The following SNX31 variants were observed in gnomAD, a reference collection of about 807,000 sequenced individuals.
SNX31 encodes the protein sorting nexin 31.
Under a neutral mutation model 65.4 loss-of-function variants are expected in SNX31, and 58 were observed. The observed-to-expected ratio is 0.89, with a 90% CI of 0.72 to 1.10. The LOEUF (loss-of-function observed/expected upper bound fraction) is 1.10, where lower values mean the gene tolerates loss of function less well. SNX31 is among the 50% of genes least tolerant of loss of function. The pLI, the probability that SNX31 is intolerant of heterozygous loss-of-function variation, is 0.00. For missense variants in SNX31, 523 were observed against 529.7 expected (o/e 0.99, Z 0.12); for synonymous variants, 181 against 190.1 (o/e 0.95, Z 0.39).
chr8:100,594,149 A>C lies in SNX31; in HGVS notation c.978+2490T>G, dbSNP rs1251566126. ...GAAACCTCATCTCTACTAAAAATAC[A>C]AAAAATTAGCCCTGCCTGGTGGTGC... On this transcript the variant is annotated intron_variant, in intron 10 of 13. Transcript: ENST00000311812. The surrounding 1 kb of genome is among the most constrained non-coding windows in gnomAD (Gnocchi z 4.0). 6.6e-6 allele frequency among the ~76,000 whole-genome samples: 1 copy of C among 152,012 alleles called. No individual in the cohort carries two copies. The highest frequency in any genetic ancestry group is 1.5e-5 in the Non-Finnish European group (1 of 67,978).
chr8:100,612,297 T>C lies in SNX31; in HGVS notation c.524-210A>G, dbSNP rs1816781272. 6.6e-6 allele frequency among the ~76,000 whole-genome samples: 1 copy of C among 151,252 alleles called. No individual in the cohort carries two copies. Among genetic ancestry groups the C allele is most frequent in the Non-Finnish European group, 1.5e-5 (1 of 67,872 alleles). Reference sequence around the variant, plus strand: ...CCTCAAAAAAAAACAGCCCCTTGAGTGGGGGGTGTTTTACACTGTGATATA... The same window carrying C: ...CCTCAAAAAAAAACAGCCCCTTGAGCGGGGGGTGTTTTACACTGTGATATA... On this transcript the variant is annotated intron_variant, in intron 6 of 13. Transcript: ENST00000311812. The surrounding 1 kb of genome is among the most constrained non-coding windows in gnomAD (Gnocchi z 4.3).
In SNX31 at chr8:100,613,243, G is replaced by A. The variant is rs372153946; in HGVS notation, c.433-158C>T. On this transcript the variant is annotated intron_variant, in intron 5 of 13. Transcript: ENST00000311812. This position sits in a 1 kb window ranked among gnomAD's most constrained non-coding sequence, Gnocchi z 5.2. ...GAAAGCTTTTTGGAATCAAAAAATG[G>A]TATCCATCTTAGAAAATTTTAAAAC... Among the ~76,000 whole-genome samples the A allele has an allele frequency of 1.3e-5, 2 of 152,228 alleles. No homozygotes were observed. Among genetic ancestry groups the A allele is most frequent in the East Asian group, 3.9e-4 (2 of 5,182 alleles).
rs1375806012 is a variant in SNX31 at position 100,610,915 on chromosome 8, C to G, written c.611+1085G>C. 6.6e-6 allele frequency among the ~76,000 whole-genome samples: 1 copy of G among 152,158 alleles called. No homozygotes were observed. Among genetic ancestry groups the G allele is most frequent in the African/African-American group, 2.4e-5 (1 of 41,424 alleles). On this transcript the variant is annotated intron_variant, in intron 7 of 13. Transcript: ENST00000311812. The surrounding 1 kb of genome is among the most constrained non-coding windows in gnomAD (Gnocchi z 4.0). ...GTACTCAGATAACAGAATAAATGGG[C>G]TGGGAGAGAGCGAGCCTAAGGAGCA...
chr8:100,607,037 C>T (rs1816229057), intron 8 of SNX31, among the ~76,000 whole-genome samples: 1 of 152,144 alleles, frequency 6.6e-6, no homozygotes, highest in Non-Finnish European at 1.5e-5. Flanking sequence ...AACAAATATA[C>T]ACAACACACA....
chr8:100,647,740 G>A (rs1238501766), intron 2 of SNX31, among the ~76,000 whole-genome samples: 1 of 152,180 alleles, frequency 6.6e-6, no homozygotes, highest in African/African-American at 2.4e-5. Context: ...CTCTCTTGCT[G>A]CCTCCTGCTC....
chr8:100,582,920 T>G (rs1813686031), intron 12 of SNX31, among the ~76,000 whole-genome samples: 1 of 150,988 alleles, frequency 6.6e-6, no homozygotes, highest in Non-Finnish European at 1.5e-5. Context: ...AAGGCGGAGC[T>G]TGCAGTGAGC....
chr8:100,657,174 T>C (rs1406074235), intron 1 of SNX31, among the ~76,000 whole-genome samples: 1 of 151,596 alleles, frequency 6.6e-6, no homozygotes, highest in Non-Finnish European at 1.5e-5. Context: ...GAAGGGAGGC[T>C]GGGCATGGTG....
chr8:100,579,330 G>A, intron 12 of SNX31, among the ~76,000 whole-genome samples: 1 of 152,222 alleles, frequency 6.6e-6, no homozygotes, highest in South Asian at 2.1e-4. Context: ...TTATGTACTA[G>A]GGGGAATAAA....
intron 12 of SNX31, 143 bp from the exon 13 acceptor site, chr8:100,577,218 C>A (rs1813119240): frequency 3.1e-6 from 2 of 652,408 alleles, no homozygotes; most frequent in Non-Finnish European, 5.3e-6. Context: ...ACCTGCTTGT[C>A]ATCTGTGCAT....
chr8:100,591,222 A>G (rs866600262), intron 10 of SNX31, among the ~76,000 whole-genome samples: 1 of 152,190 alleles, frequency 6.6e-6, no homozygotes, highest in Non-Finnish European at 1.5e-5. Flanking sequence ...GGATGGAAAG[A>G]GTTCATGTTC....
chr8:100,605,910 G>C (rs16898627), intron 8 of SNX31, among the ~76,000 whole-genome samples: 10,903 of 152,166 alleles, frequency 0.072, 454 homozygotes, highest in African/African-American at 0.09. Context: ...CTCATCCAAG[G>C]TCATGGTATC....
chr8:100,614,793 C>T lies in SNX31; in HGVS notation c.433-1708G>A, dbSNP rs1486498717. Among the ~76,000 whole-genome samples, 2 of 152,116 alleles carry T rather than the reference C, an allele frequency of 1.3e-5. No individual in the cohort carries two copies. Among genetic ancestry groups the T allele is most frequent in the African/African-American group, 4.8e-5 (2 of 41,422 alleles). ...TACTCAGGAGCTGAGGAAGGAGAAT[C>T]GCTTGAACCTGGGAGGCAGAGGTTG... On this transcript the variant is annotated intron_variant, in intron 5 of 13. Coordinates refer to ENST00000311812, the MANE Select transcript of SNX31 (RefSeq NM_152628.4). This position sits in a 1 kb window ranked among gnomAD's most constrained non-coding sequence, Gnocchi z 5.1.
intron 1 of SNX31, among the ~76,000 whole-genome samples, chr8:100,662,915 A>G (rs1397676467): frequency 6.6e-6 from 1 of 152,204 alleles, no homozygotes; most frequent in African/African-American, 2.4e-5. Context: ...ACTTTTGAAA[A>G]TAAATCAGTG....
chr8:100,659,093 A>C lies in SNX31; in HGVS notation c.-58+4049T>G, dbSNP rs557245341. ...GGGCACAGGGGCTCATGCCTGTAAT[A>C]CCAGCACTTTGGGAGGCCGAGGTGG... On this transcript the variant is annotated intron_variant, in intron 1 of 5. Transcript: ENST00000520352. Among the ~76,000 whole-genome samples the C allele has an allele frequency of 2.3e-3, 357 of 152,056 alleles. 3 individuals are homozygous for C. The highest frequency in any genetic ancestry group is 3.7e-3 in the Non-Finnish European group (253 of 67,936).
rs1041487029 is a variant in SNX31 at position 100,588,367 on chromosome 8, A to G, written c.1092+499T>C. Among the ~76,000 whole-genome samples, 1 of 152,242 alleles carries G rather than the reference A, an allele frequency of 6.6e-6. No individual in the cohort carries two copies. Among genetic ancestry groups the G allele is most frequent in the African/African-American group, 2.4e-5 (1 of 41,468 alleles). ...AGAATAATAGGGATGCCAATCATCT[A>G]CCTTCAGTATTTTTATTAACTAAGA... On this transcript the variant is annotated intron_variant, in intron 11 of 13. Transcript: ENST00000311812. This position sits in a 1 kb window ranked among gnomAD's most constrained non-coding sequence, Gnocchi z 4.8.
At chr8:100,587,755 G>C (rs1814180978) in intron 11 of SNX31, among the ~76,000 whole-genome samples, 1 of 152,088 alleles carries the variant, frequency 6.6e-6, no homozygotes, top group South Asian at 2.1e-4. Flanking sequence ...TTACCTTCAG[G>C]CTATGTGTTT....
At position 100,641,456 on chromosome 8, in the gene SNX31, C is replaced by A. The variant is rs191614262; in HGVS notation, c.142-5445G>T. 3.0e-3 allele frequency among the ~76,000 whole-genome samples: 435 copies of A among 144,744 alleles called. 3 individuals are homozygous for A. The highest frequency in any genetic ancestry group is 0.024 in the South Asian group (107 of 4,438). 95.0% of individuals were successfully genotyped at this position (144,744 alleles called of 152,430 possible). A position where few individuals can be genotyped will look rare whatever the true frequency, so the allele number is the denominator to read the frequency against. ...CAGGAAGTTGAGGTGGGAGAATAACCTGAGCTGGAGACTTCAAGGCTAAGG... is the reference window on the plus strand; with the variant it reads ...CAGGAAGTTGAGGTGGGAGAATAACATGAGCTGGAGACTTCAAGGCTAAGG... On this transcript the variant is annotated intron_variant, in intron 2 of 13. Transcript: ENST00000311812.
chr8:100,649,557 C>T lies in SNX31; in HGVS notation c.-43G>A, dbSNP rs1292347177. On this transcript the variant is annotated 5_prime_UTR_variant, in exon 1 of 14. Coordinates refer to ENST00000311812, the MANE Select transcript of SNX31 (RefSeq NM_152628.4). ...GGAGTAGCGCTGGGAACCCGACCTG[C>T]GGCGGCGGGCGGTGCGCGGCTCTGA... is the stretch of plus-strand genomic sequence containing the variant. The T allele has an allele frequency of 2.0e-6, 3 of 1,531,424 alleles. No individual in the cohort carries two copies. Among genetic ancestry groups the T allele is most frequent in the Admixed American group, 2.0e-5 (1 of 50,812 alleles). 94.9% of individuals were successfully genotyped at this position (1,531,424 alleles called of 1,614,324 possible).
At chr8:100,596,410 G>C (rs1358633625) in intron 10 of SNX31, among the ~76,000 whole-genome samples, 1 of 152,082 alleles carries the variant, frequency 6.6e-6, no homozygotes, top group Non-Finnish European at 1.5e-5. Context: ...CAGTAGGGAG[G>C]CCTGTTGTTA....
Sources: gnomAD v4.1 joint callset for allele counts (sites outside exome capture counted in the v4.1 genomes callset) on GRCh38, gnomAD v4.1.1 for gene constraint, Gnocchi (gnomAD v3.1) non-coding constraint, MANE v1.5 for transcripts, NCBI Gene and HGNC (gene_info 2026-07-23, HGNC 2026-07-21) for gene names.